ATXN7: variants seen among roughly 807,000 people sequenced by gnomAD.
ATXN7 encodes ataxin-7.
ATXN7 carries 12 observed loss-of-function variants against 70.5 expected under a neutral mutation model. The ratio of observed to expected loss-of-function variants is 0.17; its 90% CI spans 0.11 to 0.28. ATXN7 has a LOEUF of 0.28. ATXN7 is among the 10% of genes least tolerant of loss of function. The probability of loss-of-function intolerance (pLI) is 1.00; values close to 1 mark genes in which losing one functional copy is unlikely to be tolerated. For missense variants in ATXN7, 1,256 were observed against 1,131.7 expected (o/e 1.11, Z -1.58); for synonymous variants, 498 against 448.7 (o/e 1.11, Z -1.39).
intron 1 of ATXN7, among the ~76,000 whole-genome samples, chr3:63,870,320 A>G (rs1702558281): frequency 6.6e-6 from 1 of 152,204 alleles, no homozygotes; most frequent in South Asian, 2.1e-4. Context: ...TCCATGGGCC[A>G]TAATTTGCAG....
intron 2 of ATXN7, 46 bp from the exon 3 acceptor site, chr3:63,912,542 A>G (rs1704070773): frequency 9.2e-7 from 1 of 1,081,692 alleles, no homozygotes; most frequent in Non-Finnish European, 1.1e-6. Flanking sequence ...TCCTTAAAAA[A>G]CGGCCCCCGC....
intron 1 of ATXN7, among the ~76,000 whole-genome samples, chr3:63,882,576 C>G (rs920704660): frequency 6.6e-6 from 1 of 151,304 alleles, no homozygotes; most frequent in Admixed American, 6.6e-5. Flanking sequence ...TAGTAGAGAC[C>G]GATTTCACCA....
At chr3:63,932,692 C>T (rs559101667) in intron 4 of ATXN7, among the ~76,000 whole-genome samples, 1 of 152,212 alleles carries the variant, frequency 6.6e-6, no homozygotes, top group Non-Finnish European at 1.5e-5. Flanking sequence ...TTCCTTTTTC[C>T]CAGACAATTT....
At chr3:63,870,231 ATATTT>A (rs1419338473) in intron 1 of ATXN7, among the ~76,000 whole-genome samples, 2 of 152,282 alleles carry the variant, frequency 1.3e-5, no homozygotes, top group African/African-American at 4.8e-5. Context: ...GTGTCACGTC[ATATTT>A]TATTTTTTCA....
At chr3:63,925,072 T>G (rs1704663243) in intron 4 of ATXN7, among the ~76,000 whole-genome samples, 1 of 152,134 alleles carries the variant, frequency 6.6e-6, no homozygotes, top group African/African-American at 2.4e-5. Flanking sequence ...ATCAGAGACT[T>G]TATCACATTC....
chr3:63,887,161 C>T (rs936980255), intron 1 of ATXN7, among the ~76,000 whole-genome samples: 4 of 152,054 alleles, frequency 2.6e-5, no homozygotes, highest in African/African-American at 7.2e-5. Flanking sequence ...GTATTGAGCC[C>T]GTTAGGTGTG....
rs10557844 is a variant in ATXN7, at chr3:63,964,073, A to AACACACAC, written c.499+11619_499+11626dup. On this transcript the variant is annotated intron_variant, in intron 5 of 12. Coordinates refer to ENST00000674280, the MANE Select transcript of ATXN7 (RefSeq NM_001377405.1). ...TCTTACAATGTTCCTTAGACACATA[A>AACACACAC]ACACACACACACACACACACACACA... 2.9e-3 allele frequency among the ~76,000 whole-genome samples: 427 copies of AACACACAC among 147,174 alleles called. 2 individuals carry two copies. Among genetic ancestry groups the AACACACAC allele is most frequent in the African/African-American group, 8.7e-3 (350 of 40,188 alleles).
chr3:63,937,256 T>G (rs973764651), intron 4 of ATXN7, among the ~76,000 whole-genome samples: 1 of 152,226 alleles, frequency 6.6e-6, no homozygotes, highest in Non-Finnish European at 1.5e-5. Context: ...GACCAAAGGC[T>G]TAGTAGGGGA....
At chr3:63,885,000 C>G in intron 1 of ATXN7, among the ~76,000 whole-genome samples, 1 of 152,056 alleles carries the variant, frequency 6.6e-6, no homozygotes, top group East Asian at 1.9e-4. Context: ...TAGTGACTTC[C>G]TTCCAAAGAG....
chr3:63,990,284 A>G lies in ATXN7; in HGVS notation c.1470A>G (p.Leu490=), dbSNP rs1281381023. Residue 490 remains leucine, a synonymous_variant, in exon 10 of 13, where the codon TTA becomes TTG. Coordinates refer to ENST00000674280, the MANE Select transcript of ATXN7 (RefSeq NM_001377405.1). The part of the protein sequence containing the change: ...PLPATEPASR[L]SSEEGEGDDK... Reference sequence around the variant, plus strand: ...CTGCCACTGAGCCAGCTTCTCGGTTATCCAGTGAGGAGGGCGAAGGCGATG... The same window carrying G: ...CTGCCACTGAGCCAGCTTCTCGGTTGTCCAGTGAGGAGGGCGAAGGCGATG... 6.2e-7 allele frequency: 1 copy of G among 1,614,142 alleles called. No homozygotes were observed. Among genetic ancestry groups the G allele is most frequent in the African/African-American group, 1.3e-5 (1 of 75,024 alleles).
intron 4 of ATXN7, among the ~76,000 whole-genome samples, chr3:63,930,183 T>C (rs1704893680): frequency 6.6e-6 from 1 of 152,180 alleles, no homozygotes; most frequent in African/African-American, 2.4e-5. Flanking sequence ...TTGGTAAAAT[T>C]TACCAGCCCC....
At chr3:63,971,548 A>AGG (rs773639231) in intron 5 of ATXN7, among the ~76,000 whole-genome samples, 1 of 152,190 alleles carries the variant, frequency 6.6e-6, no homozygotes, top group African/African-American at 2.4e-5. Context: ...GAAAATTTAG[A>AGG]GGGAAAAGTT....
At chr3:63,988,724 C>G (rs949884462) in intron 9 of ATXN7, among the ~76,000 whole-genome samples, 1 of 152,174 alleles carries the variant, frequency 6.6e-6, no homozygotes, top group Non-Finnish European at 1.5e-5. Context: ...GCCGTTTAGC[C>G]TGAGTTTTTA....
At chr3:63,872,050 A>G (rs904318617) in intron 1 of ATXN7, among the ~76,000 whole-genome samples, 54 of 152,140 alleles carry the variant, frequency 3.5e-4, no homozygotes, top group Admixed American at 3.9e-4. Flanking sequence ...TCTATCTCCT[A>G]TGCCCCACAT....
intron 1 of ATXN7, among the ~76,000 whole-genome samples, chr3:63,873,306 A>G (rs1382045814): frequency 1.3e-5 from 2 of 152,196 alleles, no homozygotes; most frequent in African/African-American, 4.8e-5. Flanking sequence ...TGTGGTGACA[A>G]CAATGCCAAA....
chr3:63,967,599 A>G (rs1468266841), intron 5 of ATXN7: 7 of 282,722 alleles, frequency 2.5e-5, no homozygotes, highest in African/African-American at 1.1e-4. Flanking sequence ...TTCACAAAAT[A>G]TAAGTAATTT....
Position 63,995,674 on chromosome 3 carries a change from G to A in ATXN7, c.1852G>A (p.Val618Ile). Residue 618 changes from valine (V) to isoleucine (I), a missense_variant, in exon 12 of 13, where the codon GTA becomes ATA. By Grantham distance (29) the Val-to-Ile change is conservative. Transcript: ENST00000674280. ...CTGCATCTCCCCAAATAGCAAATCGGTACCAGCTCATGGAACCACACTAAA... is the reference window on the plus strand; with the variant it reads ...CTGCATCTCCCCAAATAGCAAATCGATACCAGCTCATGGAACCACACTAAA... ...STCISPNSKS[V>I]PAHGTTLNAQ... 1 of 1,614,128 alleles carries A rather than the reference G, an allele frequency of 6.2e-7. No individual in the cohort carries two copies.
Position 63,990,915 on chromosome 3 carries a change from T to C in ATXN7, c.1682+56T>C, listed in dbSNP as rs1213212518. 1.9e-6 allele frequency: 3 copies of C among 1,607,200 alleles called. No homozygotes were observed. In the African/African-American group the frequency reaches 4.0e-5, roughly 21 times the overall value. The stretch of plus-strand genomic sequence containing the variant: ...TGACTTTACACAGTGCTGCATTGTC[T>C]TTTATTTCCTGTGAGACTGATGTTA... On this transcript the variant is annotated intron_variant, in intron 11 of 12. Transcript: ENST00000674280.
At chr3:63,894,724 A>T (rs997965927) in intron 1 of ATXN7, among the ~76,000 whole-genome samples, 1 of 152,008 alleles carries the variant, frequency 6.6e-6, no homozygotes, top group African/African-American at 2.4e-5. Context: ...ACGGCGTCTC[A>T]CCCTTCCTCA....
Sources: gnomAD v4.1 joint callset for allele counts (sites outside exome capture counted in the v4.1 genomes callset) on GRCh38, gnomAD v4.1.1 for gene constraint, MANE v1.5 for transcripts, NCBI Gene and HGNC (gene_info 2026-07-23, HGNC 2026-07-21) for gene names.